SMCO4: variants seen among roughly 807,000 people sequenced by gnomAD.
SMCO4 encodes the protein single-pass membrane and coiled-coil domain-containing protein 4.
In SMCO4, 4 loss-of-function variants were observed where a neutral mutation model predicts 3.6. The observed-to-expected ratio is 1.11, with a 90% CI of 0.54 to 2.53. SMCO4 has a LOEUF of 2.53. SMCO4 is among the 30% of genes most tolerant of loss of function. The probability of loss-of-function intolerance (pLI) is 0.02; values close to 1 mark genes in which losing one functional copy is unlikely to be tolerated. For synonymous variants in SMCO4, 36 were observed against 35.3 expected (o/e 1.02, Z -0.07); for missense variants, 70 against 80.8 (o/e 0.87, Z 0.51).
the SMCO4 span, among the ~76,000 whole-genome samples, chr11:93,548,520 C>T: frequency 6.6e-6 from 1 of 152,122 alleles, no homozygotes; most frequent in African/African-American, 2.4e-5. Context: ...CTGCCTCATA[C>T]CTACTTGGCA....
chr11:93,513,877 T>C (rs2062983860), intron 1 of SMCO4, among the ~76,000 whole-genome samples: 1 of 152,222 alleles, frequency 6.6e-6, no homozygotes, highest in Non-Finnish European at 1.5e-5. Flanking sequence ...GGGAGGACTC[T>C]GGGATGTGGG....
At position 93,478,869 on chromosome 11, in the gene SMCO4, G is replaced by A. The variant is rs966739626; in HGVS notation, c.*141C>T. On this transcript the variant is annotated 3_prime_UTR_variant, in exon 3 of 3. Coordinates refer to ENST00000298966, the MANE Select transcript of SMCO4 (RefSeq NM_020179.3). Reference sequence around the variant, plus strand: ...AAGAAAGCGGAGATACTTTAATCAAGTCAAAGACCAGAGAAGACAGGGTGC... The same window carrying A: ...AAGAAAGCGGAGATACTTTAATCAAATCAAAGACCAGAGAAGACAGGGTGC... The A allele has an allele frequency of 1.4e-6, 2 of 1,429,854 alleles. No homozygotes were observed. Among genetic ancestry groups the A allele is most frequent in the African/African-American group, 2.9e-5 (2 of 69,652 alleles). 88.6% of individuals were successfully genotyped at this position (1,429,854 alleles called of 1,614,324 possible).
the SMCO4 span, among the ~76,000 whole-genome samples, chr11:93,550,629 C>T: frequency 2.0e-5 from 3 of 152,132 alleles, no homozygotes; most frequent in South Asian, 2.1e-4. Flanking sequence ...GAGCTGTTAT[C>T]GCACCATTGC....
chr11:93,478,817 C>T lies in SMCO4; in HGVS notation c.*193G>A. On this transcript the variant is annotated 3_prime_UTR_variant, in exon 3 of 3. Coordinates refer to ENST00000298966, the MANE Select transcript of SMCO4 (RefSeq NM_020179.3). The stretch of plus-strand genomic sequence containing the variant: ...GACCATAAGGTGTATGGCACATTCA[C>T]TGATAAAACATCCCCTATTCCCTCC... The T allele has an allele frequency of 7.1e-7, 1 of 1,408,554 alleles. No homozygotes were observed. The highest frequency in any genetic ancestry group is 9.2e-7 in the Non-Finnish European group (1 of 1,083,542). The allele number at this position is 1,408,554 out of a possible 1,614,324, so 87.3% of individuals were successfully genotyped here.
At chr11:93,511,004 C>T (rs532896946) in intron 1 of SMCO4, among the ~76,000 whole-genome samples, 23 of 152,170 alleles carry the variant, frequency 1.5e-4, no homozygotes, top group Admixed American at 1.5e-3. Context: ...GAGACTGAGG[C>T]AGGAGAATCA....
intron 1 of SMCO4, among the ~76,000 whole-genome samples, chr11:93,542,089 G>A (rs931837850): frequency 1.4e-5 from 2 of 137,968 alleles, no homozygotes; most frequent in Non-Finnish European, 3.1e-5. Flanking sequence ...CTGGTGTCTT[G>A]AATACAAAGT....
chr11:93,505,898 A>C (rs1026916273), intron 1 of SMCO4, among the ~76,000 whole-genome samples: 14 of 150,364 alleles, frequency 9.3e-5, no homozygotes, highest in Non-Finnish European at 2.1e-4. Flanking sequence ...TGATGATGAA[A>C]ATAGCTAACA....
At chr11:93,492,752 C>T (rs768437639) in intron 2 of SMCO4, among the ~76,000 whole-genome samples, 14 of 152,176 alleles carry the variant, frequency 9.2e-5, no homozygotes, top group Non-Finnish European at 8.8e-5. Context: ...CAGAGCAGAA[C>T]GAGTTGATGA....
chr11:93,496,993 G>A (rs1948781682), intron 2 of SMCO4, among the ~76,000 whole-genome samples: 1 of 152,174 alleles, frequency 6.6e-6, no homozygotes, highest in Non-Finnish European at 1.5e-5. Context: ...GAGAGTATCA[G>A]AGGAAGGTCT....
At chr11:93,498,516 T>C (rs1335300487) in intron 2 of SMCO4, among the ~76,000 whole-genome samples, 1 of 152,218 alleles carries the variant, frequency 6.6e-6, no homozygotes, top group Non-Finnish European at 1.5e-5. Context: ...TGGGGAGCTG[T>C]GCTCCAGTGA....
chr11:93,497,873 G>A (rs1364313458), intron 2 of SMCO4, among the ~76,000 whole-genome samples: 2 of 152,194 alleles, frequency 1.3e-5, no homozygotes, highest in Admixed American at 6.5e-5. Context: ...TTACTGTTAG[G>A]CAGAAAGGGC....
rs78477454 is a variant in SMCO4, at chr11:93,532,781, G to T, written c.-154+10495C>A. Reference sequence around the variant, plus strand: ...GAACAGACTCCCCTCAGAGCCCCCAGATCCATGGGAAAACATACTCCTGCT... The same window carrying T: ...GAACAGACTCCCCTCAGAGCCCCCATATCCATGGGAAAACATACTCCTGCT... On this transcript the variant is annotated intron_variant, in intron 1 of 2. Coordinates refer to ENST00000298966, the MANE Select transcript of SMCO4 (RefSeq NM_020179.3). Among the ~76,000 whole-genome samples, 432 of 152,294 alleles carry T rather than the reference G, an allele frequency of 2.8e-3. 1 individual carries two copies. The highest frequency in any genetic ancestry group is 9.6e-3 in the African/African-American group (398 of 41,562).
intron 1 of SMCO4, among the ~76,000 whole-genome samples, chr11:93,528,862 C>T (rs554316040): frequency 9.2e-4 from 140 of 152,268 alleles, no homozygotes; most frequent in Non-Finnish European, 1.8e-3. Context: ...CACAGCATGC[C>T]GCCTACTCAG....
intron 2 of SMCO4, among the ~76,000 whole-genome samples, chr11:93,482,969 A>G (rs569630055): frequency 1.6e-4 from 25 of 152,310 alleles, no homozygotes; most frequent in Middle Eastern, 3.4e-3. Context: ...AGAATGGGAG[A>G]AAACCCTGAC....
intron 1 of SMCO4, among the ~76,000 whole-genome samples, chr11:93,540,095 C>A (rs922126915): frequency 6.6e-6 from 1 of 152,132 alleles, no homozygotes; most frequent in Non-Finnish European, 1.5e-5. Flanking sequence ...ATCACAGGCC[C>A]TGGAATATTC....
chr11:93,491,813 G>A lies in SMCO4; in HGVS notation c.-81+7463C>T, dbSNP rs557144322. 3.9e-4 allele frequency among the ~76,000 whole-genome samples: 59 copies of A among 152,258 alleles called. 1 individual carries two copies. The highest frequency in any genetic ancestry group is 1.3e-3 in the African/African-American group (56 of 41,552). On this transcript the variant is annotated intron_variant, in intron 2 of 2. Transcript: ENST00000298966. Reference sequence around the variant, plus strand: ...ACTGGAGCTAGAGAAACACAACTTCGCCAGAACTTGCCAGCCTGTCCCCAT... The same window carrying A: ...ACTGGAGCTAGAGAAACACAACTTCACCAGAACTTGCCAGCCTGTCCCCAT...
chr11:93,479,710 C>G (rs925367648), intron 2 of SMCO4, among the ~76,000 whole-genome samples: 4 of 152,184 alleles, frequency 2.6e-5, no homozygotes, highest in African/African-American at 9.7e-5. Flanking sequence ...GCACGTAGCC[C>G]CCTTCCTGCC....
At chr11:93,548,574 C>A in the SMCO4 span, among the ~76,000 whole-genome samples, 1 of 152,184 alleles carries the variant, frequency 6.6e-6, no homozygotes, top group Non-Finnish European at 1.5e-5. Flanking sequence ...AAGGGGACTT[C>A]ACTGCCAGAA....
the SMCO4 span, among the ~76,000 whole-genome samples, chr11:93,548,878 C>T: frequency 6.6e-6 from 1 of 152,152 alleles, no homozygotes; most frequent in African/African-American, 2.4e-5. Context: ...CTAGAGGTTT[C>T]CCACTGGTTA....
Sources: gnomAD v4.1 joint callset for allele counts (sites outside exome capture counted in the v4.1 genomes callset) on GRCh38, gnomAD v4.1.1 for gene constraint, MANE v1.5 for transcripts, NCBI Gene and HGNC (gene_info 2026-07-23, HGNC 2026-07-21) for gene names.